The following WNT2B variants were observed in gnomAD, a reference collection of about 807,000 sequenced individuals.
The protein encoded by WNT2B is protein Wnt-2b.
In WNT2B, 19 loss-of-function variants were observed where a neutral mutation model predicts 40.5. The ratio of observed to expected loss-of-function variants is 0.47; its 90% CI spans 0.33 to 0.69. The LOEUF is 0.69. WNT2B is among the 30% of genes least tolerant of loss of function. The pLI, the probability that WNT2B is intolerant of heterozygous loss-of-function variation, is 0.02. For synonymous variants in WNT2B, 220 were observed against 211.9 expected, an observed-to-expected ratio of 1.04 and a Z score of -0.33; for missense variants, 467 against 556.4, an observed-to-expected ratio of 0.84 and a Z score of 1.62.
At position 112,524,775 on chromosome 1, in the gene WNT2B, T is replaced by A. The variant is rs1054732621; in HGVS notation, c.*4266T>A. On this transcript the variant is annotated 3_prime_UTR_variant, in exon 5 of 5. Coordinates refer to ENST00000369684, the MANE Select transcript of WNT2B (RefSeq NM_024494.3). ...GGTTACACACACACACACAGAGGTG[T>A]ACATATACAGACACATAGAGAACTT... 2.6e-5 allele frequency: 4 copies of A among 152,012 alleles called. No individual in the cohort carries two copies. Among genetic ancestry groups the A allele is most frequent in the African/African-American group, 9.7e-5 (4 of 41,350 alleles). The allele number at this position is 152,012 out of a possible 1,614,324, so 9.4% of individuals were successfully genotyped here. A position where few individuals can be genotyped will look rare whatever the true frequency, so the allele number is the denominator to read the frequency against.
intron 1 of WNT2B, among the ~76,000 whole-genome samples, chr1:112,492,226 T>C (rs1651624968): frequency 6.6e-6 from 1 of 152,178 alleles, no homozygotes; most frequent in African/African-American, 2.4e-5. Context: ...AGCCTAACAA[T>C]AAGTAAAAAC....
upstream of WNT2B, among the ~76,000 whole-genome samples, chr1:112,505,375 T>C (rs970911426): frequency 6.6e-6 from 1 of 152,226 alleles, no homozygotes; most frequent in African/African-American, 2.4e-5. Context: ...CTTTTGCTCC[T>C]TGTTATTTAG....
At chr1:112,474,400 C>T (rs750255399) in intron 1 of WNT2B, among the ~76,000 whole-genome samples, 3 of 151,972 alleles carry the variant, frequency 2.0e-5, no homozygotes, top group East Asian at 1.9e-4. Flanking sequence ...TGCCTGCCTC[C>T]GCCTCCCAAA....
intron 1 of WNT2B, among the ~76,000 whole-genome samples, chr1:112,485,240 C>T (rs1205251205): frequency 6.6e-6 from 1 of 152,182 alleles, no homozygotes; most frequent in East Asian, 1.9e-4. Flanking sequence ...GCTGGCAGAT[C>T]ACCTGAGGTC....
intron 1 of WNT2B, among the ~76,000 whole-genome samples, chr1:112,503,292 G>A (rs973212860): frequency 1.3e-5 from 2 of 152,128 alleles, no homozygotes; most frequent in Admixed American, 1.3e-4. Context: ...TACCCTACTT[G>A]TTTCACCAGT....
At chr1:112,495,100 C>G (rs1246910703) in intron 1 of WNT2B, among the ~76,000 whole-genome samples, 2 of 151,172 alleles carry the variant, frequency 1.3e-5, no homozygotes, top group Non-Finnish European at 2.9e-5. Flanking sequence ...TTATAAATGT[C>G]TATTCTGACC....
At chr1:112,475,627 A>G (rs1222457685) in intron 1 of WNT2B, among the ~76,000 whole-genome samples, 1 of 152,172 alleles carries the variant, frequency 6.6e-6, no homozygotes, top group Admixed American at 6.5e-5. Flanking sequence ...ATAATATCAC[A>G]TGAAGCTAGA....
chr1:112,484,670 G>A lies in WNT2B; in HGVS notation c.-95+17079G>A, dbSNP rs942327361. ...AGTCCTAGCTACTCAGAAGGCTGAG[G>A]TGGGAGGATTGCTTGAGACCAGGAG... On this transcript the variant is annotated intron_variant, in intron 1 of 4. Transcript: ENST00000256640. Among the ~76,000 whole-genome samples, 15 of 151,598 alleles carry A rather than the reference G, an allele frequency of 9.9e-5. No homozygotes were observed. In the East Asian group the frequency reaches 2.7e-3, roughly 27 times the overall value.
chr1:112,489,325 G>A (rs1484920088), intron 1 of WNT2B, among the ~76,000 whole-genome samples: 2 of 151,890 alleles, frequency 1.3e-5, no homozygotes, highest in Non-Finnish European at 2.9e-5. Flanking sequence ...TTGGGAGGCC[G>A]AGGCGGGCAG....
chr1:112,503,773 T>C (rs351365), intron 1 of WNT2B, among the ~76,000 whole-genome samples: 110,036 of 151,498 alleles, frequency 0.73, 40,123 homozygotes, highest in South Asian at 0.82. Context: ...CTTAGACACA[T>C]AGAGAGACAA....
At chr1:112,498,374 C>A (rs80006641) in intron 1 of WNT2B, among the ~76,000 whole-genome samples, 2 of 151,974 alleles carry the variant, frequency 1.3e-5, no homozygotes, top group African/African-American at 4.8e-5. Flanking sequence ...CTGCCTCAGC[C>A]TCCCAAGTAG....
At chr1:112,516,929 C>T (rs878992156) in intron 3 of WNT2B, among the ~76,000 whole-genome samples, 192 bp from the exon 4 acceptor site, 1 of 152,178 alleles carries the variant, frequency 6.6e-6, no homozygotes, top group South Asian at 2.1e-4. Flanking sequence ...GGCAGATTTC[C>T]TGGAAAAAGA....
At chr1:112,519,872 C>CTT (rs71081244) in intron 4 of WNT2B, among the ~76,000 whole-genome samples, 2,209 of 115,618 alleles carry the variant, frequency 0.019, 81 homozygotes, top group African/African-American at 0.063. Flanking sequence ...GCCCATGCTT[C>CTT]TTTTTTTTTT....
chr1:112,503,740 A>C (rs1652027429), intron 1 of WNT2B, among the ~76,000 whole-genome samples: 1 of 152,180 alleles, frequency 6.6e-6, no homozygotes, highest in Non-Finnish European at 1.5e-5. Context: ...AGACATTCAG[A>C]CAGGGAGGGG....
At chr1:112,492,245 A>G (rs1651625538) in intron 1 of WNT2B, among the ~76,000 whole-genome samples, 1 of 152,222 alleles carries the variant, frequency 6.6e-6, no homozygotes, top group Non-Finnish European at 1.5e-5. Context: ...ACCTGAACAA[A>G]CTGAAAAATC....
chr1:112,516,495 G>A, intron 3 of WNT2B, 78 bp downstream of exon 3: 13 of 1,524,244 alleles, frequency 8.5e-6, no homozygotes, highest in Non-Finnish European at 1.1e-5. Context: ...CTAAATAAAT[G>A]TGAAGATGGA....
At chr1:112,469,862 T>C (rs1315912449) in intron 1 of WNT2B, among the ~76,000 whole-genome samples, 1 of 152,134 alleles carries the variant, frequency 6.6e-6, no homozygotes, top group African/African-American at 2.4e-5. Context: ...GATCTACCTA[T>C]CTTGGCCTCC....
intron 1 of WNT2B, among the ~76,000 whole-genome samples, chr1:112,511,437 C>G (rs531079389): frequency 4.6e-5 from 7 of 152,310 alleles, no homozygotes; most frequent in Admixed American, 2.6e-4. Context: ...AAGCTACCTT[C>G]TAAGGGCAGG....
chr1:112,487,933 CAAAAA>C lies in WNT2B; in HGVS notation c.-95+20364_-95+20368del, dbSNP rs59297238. Among the ~76,000 whole-genome samples, 120 of 68,190 alleles carry C rather than the reference CAAAAA, an allele frequency of 1.8e-3. 1 individual carries two copies. The highest frequency in any genetic ancestry group is 3.6e-3 in the East Asian group (8 of 2,218). 44.7% of individuals were successfully genotyped at this position (68,190 alleles called of 152,430 possible). On this transcript the variant is annotated intron_variant, in intron 1 of 4. Transcript: ENST00000256640. Reference sequence around the variant, plus strand: ...TGGGTGACACAGAGAGGCTCTGACTCAAAAAAAAAAAAAAAAAAAAAAAAAATCTA... The same window carrying C: ...TGGGTGACACAGAGAGGCTCTGACTCAAAAAAAAAAAAAAAAAAAAATCTA...
Sources: gnomAD v4.1 joint callset for allele counts (sites outside exome capture counted in the v4.1 genomes callset) on GRCh38, gnomAD v4.1.1 for gene constraint, MANE v1.5 for transcripts, NCBI Gene and HGNC (gene_info 2026-07-23, HGNC 2026-07-21) for gene names.